MYO7A: variants seen among roughly 807,000 people sequenced by gnomAD.
The protein encoded by MYO7A is unconventional myosin-VIIa.
MYO7A carries 210 observed loss-of-function variants against 263.8 expected under a neutral mutation model. The observed-to-expected ratio is 0.80, with a 90% CI of 0.71 to 0.89. The LOEUF (loss-of-function observed/expected upper bound fraction) is 0.89. Among genes scored for constraint, MYO7A ranks in the 40% least tolerant of loss-of-function variants. The pLI is 0.00. For synonymous variants in MYO7A, 1,239 were observed against 1,197.3 expected (o/e 1.03, Z -0.72); for missense variants, 2,820 against 2,968.3 (o/e 0.95, Z 1.16).
At chr11:77,140,294 G>A (rs760579543) in intron 2 of MYO7A, among the ~76,000 whole-genome samples, 36 of 152,178 alleles carry the variant, frequency 2.4e-4, no homozygotes, top group Non-Finnish European at 4.6e-4. Flanking sequence ...GAGCCATCTG[G>A]GCGGGGGAGG....
Position 77,162,134 on chromosome 11 carries a change from G to T in MYO7A, c.1358G>T (p.Cys453Phe). The T allele has an allele frequency of 6.2e-7, 1 of 1,601,008 alleles. No individual in the cohort carries two copies. The highest frequency in any genetic ancestry group is 2.2e-5 in the East Asian group (1 of 44,508). Reference sequence around the variant, plus strand: ...TGCCCCTGCAGCTTTGAGCAGCTCTGCATCAACTTCGCCAATGAGCACCTG... The same window carrying T: ...TGCCCCTGCAGCTTTGAGCAGCTCTTCATCAACTTCGCCAATGAGCACCTG... ...NFAVNSFEQL[C>F]INFANEHLQQ... Residue 453 changes from cysteine to phenylalanine, a missense_variant, in exon 13 of 49, where the codon TGC becomes TTC. Transcript: ENST00000409709.
intron 46 of MYO7A, chr11:77,212,536 G>T: frequency 5.8e-6 from 2 of 342,798 alleles, no homozygotes; most frequent in African/African-American, 4.3e-5. Flanking sequence ...GGTGGAGGAG[G>T]GGTCTGAGGG....
chr11:77,172,703 T>G (rs1555076828), intron 15 of MYO7A, 45 bp from the exon 16 acceptor site: 1 of 1,545,528 alleles, frequency 6.5e-7, no homozygotes, highest in Admixed American at 2.0e-5. Context: ...GGACACTGGA[T>G]GGGGCAGGCA....
chr11:77,211,356 T>G lies in MYO7A; in HGVS notation c.6237+19T>G, dbSNP rs1199586523. ...GAAGCGGGTGAGCATGGGGTGGGCA[T>G]CGGGAATGGTGGGGCCCTGAATGGG... On this transcript the variant is annotated intron_variant, in intron 45 of 48. Coordinates refer to ENST00000409709, the MANE Select transcript of MYO7A (RefSeq NM_000260.4). The G allele has an allele frequency of 6.4e-7, 1 of 1,563,810 alleles. No individual in the cohort carries two copies. Among genetic ancestry groups the G allele is most frequent in the East Asian group, 2.4e-5 (1 of 42,084 alleles).
chr11:77,207,555 A>G (rs1400096093), intron 42 of MYO7A, among the ~76,000 whole-genome samples, 153 bp downstream of exon 42: 3 of 152,180 alleles, frequency 2.0e-5, no homozygotes, highest in East Asian at 3.9e-4. Context: ...CTCCCCTTAC[A>G]TGGAGTGGCT....
rs532356676 is a variant in MYO7A at position 77,198,634 on chromosome 11, G to T, written c.4568+13G>T. The T allele has an allele frequency of 9.3e-6, 15 of 1,613,124 alleles. No individual in the cohort carries two copies. In the East Asian group the frequency reaches 3.3e-4, roughly 36 times the overall value. ...TGTCCAGCAGCAGGTGAGGAGGCCC[G>T]CATGGAGATGCAGACAGACAGAGGG... is the stretch of plus-strand genomic sequence containing the variant. On this transcript the variant is annotated intron_variant, in intron 34 of 48. Transcript: ENST00000409709.
chr11:77,163,784 C>T (rs183439533), intron 14 of MYO7A, among the ~76,000 whole-genome samples: 15 of 151,678 alleles, frequency 9.9e-5, no homozygotes, highest in Admixed American at 2.6e-4. Flanking sequence ...AATAGTATTT[C>T]GTTGTGTGGA....
At chr11:77,168,090 C>G (rs938456394) in intron 15 of MYO7A, among the ~76,000 whole-genome samples, 12 of 152,186 alleles carry the variant, frequency 7.9e-5, no homozygotes, top group African/African-American at 2.7e-4. Flanking sequence ...GCTGGCCCCT[C>G]GCTGGGCCCA....
In MYO7A at chr11:77,161,077, C is replaced by T. The variant is rs2135288883; in HGVS notation, c.1305C>T (p.Leu435=). The change falls in exon 12 of 49, where the codon CTC becomes CTT. Residue 435 remains leucine (L), a synonymous_variant. Transcript: ENST00000409709. ...DVKNSRRSIG[L]LDIFGFENFA... ...AGAACTCTCGCAGGTCCATCGGCCT[C>T]CTGGACATCTTTGGGTTTGAGAACT... 2 of 1,614,014 alleles carry T rather than the reference C, an allele frequency of 1.2e-6. No homozygotes were observed. Among genetic ancestry groups the T allele is most frequent in the East Asian group, 4.5e-5 (2 of 44,882 alleles).
At chr11:77,194,253 A>G (rs1956469638) in intron 31 of MYO7A, 101 bp from the exon 32 acceptor site, 1 of 1,356,408 alleles carries the variant, frequency 7.4e-7, no homozygotes. Flanking sequence ...TGAGAGCTAC[A>G]GGAGGCAGGG....
intron 5 of MYO7A, 75 bp downstream of exon 5, chr11:77,156,166 T>A: frequency 1.3e-6 from 2 of 1,510,852 alleles, no homozygotes; most frequent in East Asian, 2.3e-5. Flanking sequence ...TGCTGATACC[T>A]CTAGGAATTG....
intron 4 of MYO7A, among the ~76,000 whole-genome samples, chr11:77,150,292 C>T (rs1303356884): frequency 1.3e-5 from 2 of 152,176 alleles, no homozygotes; most frequent in African/African-American, 4.8e-5. Context: ...GCAGGCAAGC[C>T]GGTCCTCATG....
In MYO7A at chr11:77,174,847, A is replaced by G; in HGVS notation, c.2027A>G (p.Tyr676Cys). The change falls in exon 17 of 49, where the codon TAC (tyrosine) becomes TGC (cysteine). Residue 676 changes from tyrosine to cysteine, a missense_variant. Transcript: ENST00000409709. ...RIRRAGYPIR[Y>C]SFVEFVERYR... is the part of the protein sequence containing the mutation. The stretch of plus-strand genomic sequence containing the variant: ...CGCCGAGCTGGCTACCCCATCCGCT[A>G]CAGCTTCGTAGAGTTTGTGGAGCGG... The G allele has an allele frequency of 6.2e-7, 1 of 1,613,678 alleles. No homozygotes were observed. Among genetic ancestry groups the G allele is most frequent in the Non-Finnish European group, 8.5e-7 (1 of 1,179,860 alleles).
intron 3 of MYO7A, among the ~76,000 whole-genome samples, chr11:77,146,177 A>G (rs1258754527): frequency 1.3e-5 from 2 of 152,200 alleles, no homozygotes; most frequent in Non-Finnish European, 2.9e-5. Context: ...GGAACAGTGG[A>G]GCGAAGTCAC....
At position 77,198,503 on chromosome 11, in the gene MYO7A, C is replaced by T. The variant is rs200416912; in HGVS notation, c.4450C>T (p.Leu1484Phe). ...CCTTGGTCTCGTCCCAGGCCCCAGT[C>T]TCCCCAAGAACGACGTCATCGTGGC... ...YEAYKFSGPS[L>F]PKNDVIVAVN... Residue 1484 changes from leucine to phenylalanine, a missense_variant, in exon 34 of 49, where the codon CTC (leucine) becomes TTC (phenylalanine). Physicochemically the swap from Leu to Phe is conservative, Grantham distance 22 (BLOSUM62 0). Coordinates refer to ENST00000409709, the MANE Select transcript of MYO7A (RefSeq NM_000260.4). 194 of 1,613,636 alleles carry T rather than the reference C, an allele frequency of 1.2e-4. No homozygotes were observed. Among genetic ancestry groups the T allele is most frequent in the Non-Finnish European group, 1.5e-4 (181 of 1,179,806 alleles).
Position 77,159,468 on chromosome 11 carries a change from A to G in MYO7A, c.1025A>G (p.Asp342Gly). The G allele has an allele frequency of 6.7e-7, 1 of 1,485,944 alleles. No individual in the cohort carries two copies. The highest frequency in any genetic ancestry group is 9.1e-7 in the Non-Finnish European group (1 of 1,099,418). 92.0% of individuals were successfully genotyped at this position (1,485,944 alleles called of 1,614,324 possible). The change falls in exon 10 of 49, where the codon GAT (aspartate) becomes GGT (glycine). Residue 342 changes from aspartate (D) to glycine (G), a missense_variant. Physicochemically the swap from Asp to Gly is moderately conservative, Grantham distance 94 (BLOSUM62 -1). Transcript: ENST00000409709. ...ACAGCACGCACATTTGAAAACCTGGATGCCTGTGAGGTTCTCTTCTCCCCA... is the reference window on the plus strand; with the variant it reads ...ACAGCACGCACATTTGAAAACCTGGGTGCCTGTGAGGTTCTCTTCTCCCCA... ...QYEARTFENLDACEVLFSPSL... is the reference protein window; with the variant it reads ...QYEARTFENLGACEVLFSPSL...
chr11:77,172,103 C>T (rs1018742072), intron 15 of MYO7A, among the ~76,000 whole-genome samples: 10 of 152,326 alleles, frequency 6.6e-5, no homozygotes, highest in South Asian at 2.1e-4. Context: ...CGGCAGCTCC[C>T]GCCCCTCCTC....
intron 27 of MYO7A, among the ~76,000 whole-genome samples, chr11:77,188,547 G>C (rs782369943): frequency 6.6e-6 from 1 of 150,864 alleles, no homozygotes; most frequent in Non-Finnish European, 1.5e-5. Context: ...ACACTGCATC[G>C]TCATGTGTCC....
In MYO7A at chr11:77,158,417, C is replaced by A; in HGVS notation, c.990C>A (p.Asn330Lys). ...KLLAAILHLGNLQYEARTFEN... is the reference protein window; with the variant it reads ...KLLAAILHLGKLQYEARTFEN... The stretch of plus-strand genomic sequence containing the variant: ...TGGCTGCCATCCTGCACCTGGGCAA[C>A]CTGCAGTATGAGGGTGAGGCTGCGC... The change falls in exon 9 of 49, where the codon AAC (asparagine) becomes AAA (lysine). Residue 330 changes from asparagine (N) to lysine (K), a missense_variant. Transcript: ENST00000409709. 6.2e-7 allele frequency: 1 copy of A among 1,612,100 alleles called. No individual in the cohort carries two copies. The highest frequency in any genetic ancestry group is 1.1e-5 in the South Asian group (1 of 91,042).
Sources: allele counts gnomAD v4.1 joint callset (sites outside exome capture counted in the v4.1 genomes callset), GRCh38; gene constraint gnomAD v4.1.1; transcripts MANE v1.5; gene names NCBI Gene and HGNC (gene_info 2026-07-23, HGNC 2026-07-21).